The following FILIP1 variants were observed in gnomAD, a reference collection of about 807,000 sequenced individuals.
FILIP1 encodes the protein filamin A interacting protein 1.
In FILIP1, 61 loss-of-function variants were observed where a neutral mutation model predicts 102.1. That is an observed-to-expected ratio of 0.60 (90% CI 0.49 to 0.74). FILIP1 has a LOEUF of 0.74. Ranked by LOEUF, FILIP1 falls within the 30% of genes least tolerant of loss-of-function variation. FILIP1 has a pLI of 0.00. For synonymous variants in FILIP1, 491 were observed against 526.9 expected, an observed-to-expected ratio of 0.93 and a Z score of 0.93; for missense variants, 1,314 against 1,441.2, an observed-to-expected ratio of 0.91 and a Z score of 1.43.
intron 2 of FILIP1, among the ~76,000 whole-genome samples, chr6:75,370,304 G>T (rs575944055): frequency 6.6e-6 from 1 of 152,262 alleles, no homozygotes; most frequent in Non-Finnish European, 1.5e-5. Flanking sequence ...GCTGTGAGCT[G>T]CTGTGAGGAC....
chr6:75,292,758 A>T lies in FILIP1; in HGVS notation c.*3152T>A, dbSNP rs533594502. ...TATTTTTAGACTTGTTGCTCATCAG[A>T]TTCATTAACACACCCTACTTTTGCT... On this transcript the variant is annotated 3_prime_UTR_variant, in exon 7 of 7. Coordinates refer to the FILIP1 transcript ENST00000393004. The T allele has an allele frequency of 3.9e-5, 6 of 152,228 alleles. No individual in the cohort carries two copies. In the East Asian group the frequency reaches 1.2e-3, roughly 29 times the overall value. The allele number at this position is 152,228 out of a possible 1,614,324, so 9.4% of individuals were successfully genotyped here.
At chr6:75,483,785 G>C (rs887753791) in intron 1 of FILIP1, among the ~76,000 whole-genome samples, 8 of 152,102 alleles carry the variant, frequency 5.3e-5, no homozygotes, top group Non-Finnish European at 1.0e-4. Flanking sequence ...TTTTCAGAGT[G>C]GGCTCCAGAA....
chr6:75,308,813 C>T lies in FILIP1; in HGVS notation c.3520G>A (p.Ala1174Thr), dbSNP rs747006280. 1.2e-5 allele frequency: 19 copies of T among 1,614,128 alleles called. No homozygotes were observed. The South Asian group carries it at 1.8e-4, about 15-fold the overall frequency. The change falls in exon 6 of 6, where the codon GCA becomes ACA. Residue 1174 changes from alanine (A) to threonine (T), a missense_variant. Transcript: ENST00000237172. Reference sequence around the variant, plus strand: ...GTCAGATTTCCTGCTCCTGGGGCTGCCACTACTGGCTTTCCTGCTTTCATA... The same window carrying T: ...GTCAGATTTCCTGCTCCTGGGGCTGTCACTACTGGCTTTCCTGCTTTCATA... ...KGMKAGKPVVAAPGAGNLTKF... is the reference protein window; with the variant it reads ...KGMKAGKPVVTAPGAGNLTKF...
intron 2 of FILIP1, among the ~76,000 whole-genome samples, chr6:75,392,792 T>C (rs962909362): frequency 2.6e-5 from 4 of 152,150 alleles, no homozygotes; most frequent in African/African-American, 9.7e-5. Flanking sequence ...GCTGTTCTCA[T>C]GATAGTGAAT....
intron 4 of FILIP1, among the ~76,000 whole-genome samples, chr6:75,333,637 T>C (rs549553866): frequency 1.3e-5 from 2 of 152,134 alleles, no homozygotes; most frequent in Non-Finnish European, 2.9e-5. Flanking sequence ...ATGAAAACCA[T>C]ACCATCTGCC....
intron 4 of FILIP1, among the ~76,000 whole-genome samples, chr6:75,321,908 A>G (rs879632424): frequency 6.6e-6 from 1 of 152,170 alleles, no homozygotes; most frequent in Non-Finnish European, 1.5e-5. Context: ...AAAATGAGAG[A>G]TAAAAAGAAT....
In FILIP1 at chr6:75,441,778, G is replaced by C. The variant is rs1418861022; in HGVS notation, c.-6-26800C>G. 1.5e-3 allele frequency among the ~76,000 whole-genome samples: 223 copies of C among 148,682 alleles called. 1 individual carries two copies. The highest frequency in any genetic ancestry group is 5.3e-3 in the African/African-American group (210 of 39,986). On this transcript the variant is annotated intron_variant, in intron 1 of 5. Transcript: ENST00000237172. ...GAGGGGCTCCTCACTTCCCAGTAGG[G>C]GCAGCCGGGCAGAGGTGCCCCTCAC...
chr6:75,412,494 C>T (rs561194703), intron 2 of FILIP1, among the ~76,000 whole-genome samples: 2 of 152,034 alleles, frequency 1.3e-5, no homozygotes, highest in South Asian at 2.1e-4. Context: ...TGTCTTGTGC[C>T]GGTTTTCAAA....
intron 1 of FILIP1, among the ~76,000 whole-genome samples, chr6:75,459,728 G>A (rs1293124761): frequency 6.6e-6 from 1 of 151,992 alleles, no homozygotes; most frequent in Non-Finnish European, 1.5e-5. Flanking sequence ...GATTTAACAG[G>A]GATGCATTTC....
chr6:75,366,359 A>T (rs1775334564), intron 2 of FILIP1, among the ~76,000 whole-genome samples: 2 of 152,246 alleles, frequency 1.3e-5, no homozygotes, highest in South Asian at 4.1e-4. Flanking sequence ...TGGCTTGAGC[A>T]TAAAAAATTA....
At chr6:75,408,723 C>T (rs1027947679) in intron 2 of FILIP1, among the ~76,000 whole-genome samples, 18 of 152,186 alleles carry the variant, frequency 1.2e-4, no homozygotes, top group African/African-American at 3.9e-4. Flanking sequence ...TTCCCCAAGT[C>T]ACTTTTAAGG....
chr6:75,390,086 C>T (rs112700485), intron 2 of FILIP1, among the ~76,000 whole-genome samples: 147 of 152,304 alleles, frequency 9.7e-4, no homozygotes, highest in African/African-American at 3.4e-3. Context: ...ATATGGTCTA[C>T]GCATCTGCGG....
chr6:75,302,674 G>T (rs1017432841), intron 6 of FILIP1, among the ~76,000 whole-genome samples: 1 of 152,148 alleles, frequency 6.6e-6, no homozygotes, highest in African/African-American at 2.4e-5. Context: ...GAGTGTGGGG[G>T]TCCCGCCAAG....
intron 1 of FILIP1, among the ~76,000 whole-genome samples, chr6:75,483,080 T>C (rs1461974339): frequency 1.3e-5 from 2 of 152,206 alleles, no homozygotes; most frequent in Non-Finnish European, 2.9e-5. Context: ...ATTTTCATCT[T>C]AGTAAGATTC....
intron 1 of FILIP1, among the ~76,000 whole-genome samples, chr6:75,460,610 C>A (rs1778992971): frequency 6.6e-6 from 1 of 152,108 alleles, no homozygotes; most frequent in Admixed American, 6.6e-5. Flanking sequence ...CTAATAATAA[C>A]TTTCATTTTC....
At chr6:75,475,004 C>G (rs1448825368) in intron 1 of FILIP1, among the ~76,000 whole-genome samples, 2 of 152,054 alleles carry the variant, frequency 1.3e-5, no homozygotes, top group Admixed American at 1.3e-4. Flanking sequence ...TTCCTGAGGC[C>G]TCCCCAAGAG....
intron 2 of FILIP1, among the ~76,000 whole-genome samples, chr6:75,370,705 T>G (rs988111337): frequency 6.6e-6 from 1 of 151,300 alleles, no homozygotes; most frequent in African/African-American, 2.4e-5. Flanking sequence ...GCCTCCCCAG[T>G]AGCTGGGATT....
At chr6:75,340,860 AATTTTTTTTT>A (rs1774397826) in intron 4 of FILIP1, among the ~76,000 whole-genome samples, 1 of 108,558 alleles carries the variant, frequency 9.2e-6, no homozygotes, top group African/African-American at 3.9e-5. Context: ...AATGCTCAGG[AATTTTTTTTT>A]TTTTTTTTTT....
rs56859939 is a variant in FILIP1 at position 75,430,910 on chromosome 6, T to C, written c.-6-15932A>G. On this transcript the variant is annotated intron_variant, in intron 1 of 5. Coordinates refer to ENST00000237172, the MANE Select transcript of FILIP1 (RefSeq NM_015687.5). The stretch of plus-strand genomic sequence containing the variant: ...GCCAAGGCAAAAGCACAAAAACACA[T>C]AGCTGTCTTGTGGTTTGATGTGAAC... Among the ~76,000 whole-genome samples the C allele has an allele frequency of 3.9e-3, 593 of 152,238 alleles. 3 individuals are homozygous for C. Among genetic ancestry groups the C allele is most frequent in the African/African-American group, 0.014 (563 of 41,536 alleles).
Sources: allele counts gnomAD v4.1 joint callset (sites outside exome capture counted in the v4.1 genomes callset), GRCh38; gene constraint gnomAD v4.1.1; transcripts MANE v1.5; gene names NCBI Gene and HGNC (gene_info 2026-07-23, HGNC 2026-07-21).